Variants in SH3KBP1 observed in about 807,000 individuals in gnomAD.
SH3KBP1 encodes the protein SH3 domain containing kinase binding protein 1, also known as SH3 domain-containing kinase-binding protein 1.
Under a neutral mutation model 50.1 loss-of-function variants are expected in SH3KBP1, and 8 were observed. The observed-to-expected ratio is 0.16, with a 90% CI of 0.09 to 0.29. The LOEUF (loss-of-function observed/expected upper bound fraction) is 0.29. Ranked by LOEUF, SH3KBP1 falls within the 10% of genes least tolerant of loss-of-function variation. The pLI is 1.00. For missense variants in SH3KBP1, 377 were observed against 535.2 expected, an observed-to-expected ratio of 0.70 and a Z score of 2.92; for synonymous variants, 227 against 218.6, an observed-to-expected ratio of 1.04 and a Z score of -0.34.
chrX:19,675,685 C>G (rs1241858484), intron 6 of SH3KBP1, among the ~76,000 whole-genome samples: 1 of 111,957 alleles, frequency 8.9e-6, no homozygotes, highest in East Asian at 2.8e-4. Flanking sequence ...AGCCACCACA[C>G]CCGGCCAACC....
At chrX:19,760,035 T>TCTCTCTCTCTCCCTCTCC in intron 2 of SH3KBP1, among the ~76,000 whole-genome samples, 1 of 65,211 alleles carries the variant, frequency 1.5e-5, no homozygotes, top group African/African-American at 8.0e-5. Context: ...TCTCTCTCTC[T>TCTCTCTCTCTCCCTCTCC]CTCTCCCTCT....
At chrX:19,875,732 T>C (rs1180394797) in intron 1 of SH3KBP1, among the ~76,000 whole-genome samples, 1 of 112,482 alleles carries the variant, frequency 8.9e-6, no homozygotes, top group African/African-American at 3.2e-5. Context: ...CTAACAAAAA[T>C]GTGGAACTGG....
At chrX:19,700,981 G>A (rs2063524810) in intron 4 of SH3KBP1, among the ~76,000 whole-genome samples, 1 of 112,127 alleles carries the variant, frequency 8.9e-6, no homozygotes, top group Admixed American at 9.4e-5. Flanking sequence ...GTAATTGGAA[G>A]GGAAGTCATT....
At chrX:19,765,078 C>T (rs751226956) in intron 2 of SH3KBP1, among the ~76,000 whole-genome samples, 25 of 101,467 alleles carry the variant, frequency 2.5e-4, no homozygotes, top group African/African-American at 8.5e-4. Flanking sequence ...TCAAGTGATC[C>T]GCCCACCTTG....
intron 11 of SH3KBP1, among the ~76,000 whole-genome samples, chrX:19,590,503 T>C (rs958458343): frequency 2.7e-5 from 3 of 111,113 alleles, no homozygotes; most frequent in African/African-American, 6.6e-5. Context: ...ACTAGGGTGG[T>C]TGTTCACATG....
intron 2 of SH3KBP1, among the ~76,000 whole-genome samples, chrX:19,765,586 T>C (rs2065581475): frequency 8.9e-6 from 1 of 112,085 alleles, no homozygotes; most frequent in Non-Finnish European, 1.9e-5. Context: ...ACATAAAATT[T>C]AACATCTTAA....
At chrX:19,759,002 C>T (rs1280740672) in intron 2 of SH3KBP1, among the ~76,000 whole-genome samples, 1 of 111,906 alleles carries the variant, frequency 8.9e-6, no homozygotes, top group Non-Finnish European at 1.9e-5. Flanking sequence ...AATTTAAGTG[C>T]ACTAGGATAT....
At chrX:19,775,210 C>G (rs2065937162) in intron 2 of SH3KBP1, among the ~76,000 whole-genome samples, 1 of 111,495 alleles carries the variant, frequency 9.0e-6, no homozygotes, top group African/African-American at 3.3e-5. Context: ...CTGTAACATC[C>G]ACTCTGTTCC....
intron 1 of SH3KBP1, among the ~76,000 whole-genome samples, chrX:19,856,071 T>C (rs1163356252): frequency 9.1e-6 from 1 of 110,134 alleles, no homozygotes; most frequent in Admixed American, 9.7e-5. Flanking sequence ...CATCGCATCA[T>C]GGGAGCATGG....
At chrX:19,758,824 G>A (rs1394690173) in intron 2 of SH3KBP1, among the ~76,000 whole-genome samples, 1 of 111,398 alleles carries the variant, frequency 9.0e-6, no homozygotes. Context: ...GGGTCCTTAT[G>A]TCTAGCCCCA....
At chrX:19,589,816 TAA>T (rs751187520) in intron 11 of SH3KBP1, among the ~76,000 whole-genome samples, 1 of 99,017 alleles carries the variant, frequency 1.0e-5, no homozygotes, top group Non-Finnish European at 2.1e-5. Context: ...GGCAAAAGGT[TAA>T]AAAAAAAAAA....
At chrX:19,554,986 G>A (rs889833981) in intron 13 of SH3KBP1, among the ~76,000 whole-genome samples, 3 of 112,751 alleles carry the variant, frequency 2.7e-5, no homozygotes, top group African/African-American at 9.7e-5. Flanking sequence ...TGGTAGCTGC[G>A]ATTAAGGCAG....
At chrX:19,740,412 A>T (rs962346616) in intron 3 of SH3KBP1, among the ~76,000 whole-genome samples, 3 of 112,219 alleles carry the variant, frequency 2.7e-5, no homozygotes, top group African/African-American at 9.7e-5. Context: ...TCACTGCCAG[A>T]TCGCCAGATT....
chrX:19,799,605 C>G (rs780148073), intron 2 of SH3KBP1: 1 of 1,197,524 alleles, frequency 8.4e-7, no homozygotes, highest in Non-Finnish European at 1.1e-6. Flanking sequence ...GACATCGCAA[C>G]AATCAAAACA....
intron 8 of SH3KBP1, among the ~76,000 whole-genome samples, chrX:19,610,028 C>T (rs900951188): frequency 6.3e-5 from 7 of 111,522 alleles, no homozygotes; most frequent in Non-Finnish European, 9.4e-5. Context: ...CCCTTAGGGT[C>T]TTCCTTAGGG....
rs749247254 is a variant in SH3KBP1 at position 19,545,961 on chromosome X, G to A, written c.1584C>T (p.Asp528=). The change falls in exon 15 of 18, where the codon GAC becomes GAT. Residue 528 remains aspartate (D), a synonymous_variant. Coordinates refer to ENST00000397821, the MANE Select transcript of SH3KBP1 (RefSeq NM_031892.3). Reference sequence around the variant, plus strand: ...CAGTCTTGGAAGTTTTCTTTGACGCGTCCACTCCTCTGTGCGCAAGTGAAA... The same window carrying A: ...CAGTCTTGGAAGTTTTCTTTGACGCATCCACTCCTCTGTGCGCAAGTGAAA... ...EHISLAHRGV[D]ASKKTSKTVT... is the part of the protein sequence containing the mutation. 26 of 1,208,934 alleles carry A rather than the reference G, an allele frequency of 2.2e-5. No homozygotes were observed. The highest frequency in any genetic ancestry group is 8.9e-5 in the East Asian group (3 of 33,789).
chrX:19,608,422 T>A (rs1361975376), intron 8 of SH3KBP1, among the ~76,000 whole-genome samples: 1 of 104,480 alleles, frequency 9.6e-6, no homozygotes. Flanking sequence ...GATTCCTCCA[T>A]CTCAGCCTCC....
chrX:19,566,520 C>T (rs186695758), intron 13 of SH3KBP1, among the ~76,000 whole-genome samples: 2 of 111,704 alleles, frequency 1.8e-5, no homozygotes, highest in Non-Finnish European at 3.8e-5. Flanking sequence ...GACAAGACAG[C>T]CTCCTGAGGT....
intron 2 of SH3KBP1, among the ~76,000 whole-genome samples, chrX:19,822,639 C>T (rs1412076551): frequency 8.9e-6 from 1 of 112,378 alleles, no homozygotes; most frequent in Non-Finnish European, 1.9e-5. Flanking sequence ...TGAGTCTTCT[C>T]AGTATTAATA....
Sources: gnomAD v4.1 joint callset for allele counts (sites outside exome capture counted in the v4.1 genomes callset) on GRCh38, gnomAD v4.1.1 for gene constraint, MANE v1.5 for transcripts, NCBI Gene and HGNC (gene_info 2026-07-23, HGNC 2026-07-21) for gene names.